ANK2: variants seen among roughly 807,000 people sequenced by gnomAD.
ANK2 encodes the protein ankyrin-2.
ANK2 carries 83 observed loss-of-function variants against 360.5 expected under a neutral mutation model. The observed-to-expected ratio is 0.23, with a 90% CI of 0.19 to 0.28. ANK2 has a LOEUF of 0.28. ANK2 is among the 10% of genes least tolerant of loss of function. ANK2 has a pLI of 1.00. For missense variants in ANK2, 4,201 were observed against 4,795.7 expected (o/e 0.88, Z 3.66); for synonymous variants, 1,740 against 1,759.5 (o/e 0.99, Z 0.28).
intron 2 of ANK2, among the ~76,000 whole-genome samples, chr4:113,022,500 C>A (rs958139949): frequency 1.3e-5 from 2 of 152,102 alleles, no homozygotes; most frequent in African/African-American, 4.8e-5. Context: ...TTAGTCGCAT[C>A]CTGTAAGCAC....
intron 1 of ANK2, among the ~76,000 whole-genome samples, chr4:112,849,474 C>T (rs949347615): frequency 6.6e-6 from 1 of 152,220 alleles, no homozygotes; most frequent in Non-Finnish European, 1.5e-5. Flanking sequence ...CAGCTCTCTT[C>T]ACTGCACATA....
At chr4:113,294,135 T>G (rs367565098) in intron 22 of ANK2, among the ~76,000 whole-genome samples, 1 of 152,268 alleles carries the variant, frequency 6.6e-6, no homozygotes, top group African/African-American at 2.4e-5. Context: ...TGAATACAAC[T>G]GCTGACTCTT....
chr4:112,979,739 A>C (rs1561386551), intron 2 of ANK2: 1 of 152,314 alleles, frequency 6.6e-6, no homozygotes, highest in Non-Finnish European at 1.5e-5. Flanking sequence ...AGTTTAGGAC[A>C]TCCGAAGTGG....
Position 113,293,476 on chromosome 4 carries a change from G to A in ANK2, c.2413G>A (p.Gly805Ser). The A allele has an allele frequency of 6.2e-7, 1 of 1,613,732 alleles. No individual in the cohort carries two copies. Among genetic ancestry groups the A allele is most frequent in the Non-Finnish European group, 8.5e-7 (1 of 1,179,974 alleles). ...NTALAIAKRL[G>S]YISVVDTLKV... is the part of the protein sequence containing the mutation. ...TGCCTTGGCGATTGCTAAGCGTCTG[G>A]GCTACATCTCCGTGGTCGACACCCT... The change falls in exon 22 of 46, where the codon GGC (glycine) becomes AGC (serine). Residue 805 changes from glycine (G) to serine (S), a missense_variant. Physicochemically the swap from Gly to Ser is moderately conservative, Grantham distance 56 (BLOSUM62 0). Around this residue, in one of 4 missense-constraint regions of ANK2, gnomAD observed 1,268 missense variants for 1,650.8 expected, o/e 0.77. Transcript: ENST00000357077.
intron 1 of ANK2, among the ~76,000 whole-genome samples, chr4:113,144,894 C>T (rs1224699548): frequency 6.7e-6 from 1 of 150,200 alleles, no homozygotes; most frequent in Admixed American, 6.7e-5. Context: ...ATATTAGTCC[C>T]TCACAAAGCT....
chr4:113,250,109 A>G (rs994433232), intron 10 of ANK2, among the ~76,000 whole-genome samples: 4 of 152,226 alleles, frequency 2.6e-5, no homozygotes, highest in African/African-American at 9.6e-5. Context: ...CTTACTGCAG[A>G]TGGAAATCTG....
intron 15 of ANK2, among the ~76,000 whole-genome samples, chr4:113,276,730 CAA>C (rs1422811879): frequency 6.6e-6 from 1 of 152,082 alleles, no homozygotes; most frequent in Non-Finnish European, 1.5e-5. Context: ...AAAAAAGAAG[CAA>C]AAAGAAAAAC....
At chr4:113,339,171 A>G (rs1333517297) in intron 31 of ANK2, 55 bp from the exon 32 acceptor site, 2 of 1,415,106 alleles carry the variant, frequency 1.4e-6, no homozygotes, top group Non-Finnish European at 2.0e-6. Flanking sequence ...ACTTTATTTT[A>G]GAATCTAGAG....
intron 1 of ANK2, among the ~76,000 whole-genome samples, chr4:113,114,487 A>G (rs185919042): frequency 2.0e-4 from 30 of 152,298 alleles, no homozygotes; most frequent in African/African-American, 6.5e-4. Flanking sequence ...TGAGACAAAG[A>G]TAAAAAGAGC....
chr4:113,250,695 A>G (rs568830300), intron 10 of ANK2, among the ~76,000 whole-genome samples: 222 of 150,724 alleles, frequency 1.5e-3, no homozygotes, highest in Non-Finnish European at 2.5e-3. Context: ...AATACAACAC[A>G]AAGTTAGACA....
At chr4:113,192,374 A>G (rs1329488906) in intron 2 of ANK2, among the ~76,000 whole-genome samples, 1 of 152,236 alleles carries the variant, frequency 6.6e-6, no homozygotes, top group Middle Eastern at 3.4e-3. Context: ...CGTGTGTATA[A>G]AAAGTTTCAC....
upstream of ANK2, among the ~76,000 whole-genome samples, chr4:113,048,019 GTAA>G (rs1271991641): frequency 6.6e-6 from 1 of 151,606 alleles, no homozygotes; most frequent in East Asian, 1.9e-4. Context: ...GTCTATATTT[GTAA>G]TAATAATAAG....
At chr4:113,200,307 G>T (rs62313184) in intron 4 of ANK2, among the ~76,000 whole-genome samples, 25,493 of 152,078 alleles carry the variant, frequency 0.17, 2,200 homozygotes, top group East Asian at 0.26. Flanking sequence ...GGAGAGAAAG[G>T]TCCCTGCAGA....
At chr4:113,280,485 A>T (rs941814148) in intron 17 of ANK2, among the ~76,000 whole-genome samples, 3 of 152,162 alleles carry the variant, frequency 2.0e-5, no homozygotes, top group African/African-American at 7.2e-5. Flanking sequence ...GTCAATGAAC[A>T]TGAGCCCTTC....
intron 1 of ANK2, chr4:113,106,865 A>G (rs773302096): frequency 5.6e-6 from 3 of 531,250 alleles, no homozygotes; most frequent in South Asian, 4.3e-5. Context: ...GCCCTTAACT[A>G]AAACTGGATC....
rs1283849328 is a variant in ANK2 at position 113,359,182 on chromosome 4, G to A, written c.10564G>A (p.Val3522Ile). 1.2e-6 allele frequency: 2 copies of A among 1,613,350 alleles called. No homozygotes were observed. The highest frequency in any genetic ancestry group is 1.7e-5 in the Admixed American group (1 of 59,994). ...ATCAGTAATTGAAAATCTGCCACCT[G>A]TTGAGACCGAGCACTCAGTTCCTGA... ...EVSVIENLPP[V>I]ETEHSVPEDI... Residue 3522 changes from valine to isoleucine, a missense_variant, in exon 38 of 46, where the codon GTT becomes ATT. Val to Ile is a conservative substitution (Grantham distance 29, BLOSUM62 3). Around this residue, in one of 4 missense-constraint regions of ANK2, gnomAD observed 2,642 missense variants for 2,714.5 expected, o/e 0.97. Coordinates refer to ENST00000357077, the MANE Select transcript of ANK2 (RefSeq NM_001148.6).
the ANK2 span, among the ~76,000 whole-genome samples, chr4:112,745,166 A>G: frequency 6.6e-6 from 1 of 152,222 alleles, no homozygotes; most frequent in Admixed American, 6.5e-5. Flanking sequence ...GACTAATTCT[A>G]AAAGAAAAGT....
At chr4:113,217,105 A>G (rs937222033) in intron 4 of ANK2, 3 of 152,202 alleles carry the variant, frequency 2.0e-5, no homozygotes, top group African/African-American at 7.2e-5. Flanking sequence ...ATTCTTCCAA[A>G]GAACAGCCAC....
rs539924470 is a variant in ANK2 at position 113,151,269 on chromosome 4, A to G, written c.85-23147A>G. 1.4e-5 allele frequency: 8 copies of G among 564,222 alleles called. No individual in the cohort carries two copies. In the East Asian group the frequency reaches 5.0e-4, roughly 35 times the overall value. 35.0% of individuals were successfully genotyped at this position (564,222 alleles called of 1,614,324 possible). A position where few individuals can be genotyped will look rare whatever the true frequency, so the allele number is the denominator to read the frequency against. On this transcript the variant is annotated intron_variant, in intron 1 of 45. Transcript: ENST00000357077. The stretch of plus-strand genomic sequence containing the variant: ...GTTGTCGTAGTTCATTTGTGTAGCT[A>G]CAAAAGAATACCCGAAGCTGGGTAA...
Sources: gnomAD v4.1 joint callset for allele counts (sites outside exome capture counted in the v4.1 genomes callset) on GRCh38, gnomAD v4.1.1 for gene constraint, gnomAD v4.1.1 regional missense constraint, MANE v1.5 for transcripts, NCBI Gene and HGNC (gene_info 2026-07-23, HGNC 2026-07-21) for gene names.